Variants in GRID1 observed in about 807,000 individuals in gnomAD.
GRID1 encodes glutamate receptor ionotropic, delta-1.
Under a neutral mutation model 98.0 loss-of-function variants are expected in GRID1, and 28 were observed. The ratio of observed to expected loss-of-function variants is 0.29; its 90% CI spans 0.21 to 0.39. The LOEUF is 0.39. GRID1 is among the 10% of genes least tolerant of loss of function. GRID1 has a pLI of 1.00. For missense variants in GRID1, 1,111 were observed against 1,340.5 expected (o/e 0.83, Z 2.67); for synonymous variants, 553 against 538.5 (o/e 1.03, Z -0.37).
intron 4 of GRID1, chr10:86,052,575 G>A (rs1001092735): frequency 6.6e-6 from 1 of 152,006 alleles, no homozygotes; most frequent in African/African-American, 2.4e-5. Context: ...CTTTTTAAAT[G>A]AATAGACAGA....
intron 8 of GRID1, among the ~76,000 whole-genome samples, chr10:85,761,521 G>A (rs1842146819): frequency 6.6e-6 from 1 of 152,184 alleles, no homozygotes; most frequent in Non-Finnish European, 1.5e-5. Flanking sequence ...AGAGGTAACA[G>A]GCATACAAAT....
At chr10:86,189,768 T>C (rs138865040) in intron 3 of GRID1, among the ~76,000 whole-genome samples, 2 of 152,280 alleles carry the variant, frequency 1.3e-5, no homozygotes, top group East Asian at 1.9e-4. Context: ...TCCCCTGTTA[T>C]GACAGAGAAA....
intron 4 of GRID1, among the ~76,000 whole-genome samples, chr10:86,077,130 G>C (rs564680141): frequency 0.011 from 1,483 of 137,662 alleles, 51 homozygotes; most frequent in African/African-American, 0.039. Context: ...CCTTCCGCGG[G>C]GACCATGGTG....
At chr10:86,329,563 G>C (rs1328150812) in intron 2 of GRID1, among the ~76,000 whole-genome samples, 2 of 152,148 alleles carry the variant, frequency 1.3e-5, no homozygotes, top group African/African-American at 2.4e-5. Context: ...CTGGCAATGA[G>C]AGAATGACCC....
At chr10:85,792,060 C>G (rs1353063315) in intron 8 of GRID1, among the ~76,000 whole-genome samples, 1 of 152,160 alleles carries the variant, frequency 6.6e-6, no homozygotes, top group African/African-American at 2.4e-5. Context: ...TATTCATGAG[C>G]TAGTGCATAA....
rs201671134 is a variant in GRID1, at chr10:86,004,740, T to TCACACACACACA, written c.727-88513_727-88502dup. 4.5e-3 allele frequency among the ~76,000 whole-genome samples: 421 copies of TCACACACACACA among 94,308 alleles called. 2 individuals are homozygous for TCACACACACACA. The highest frequency in any genetic ancestry group is 5.2e-3 in the Middle Eastern group (1 of 194). The allele number at this position is 94,308 out of a possible 152,430, so 61.9% of individuals were successfully genotyped here. On this transcript the variant is annotated intron_variant, in intron 4 of 15. Transcript: ENST00000327946. ...TCTCTCTCTTTCTACACACACACAC[T>TCACACACACACA]CACACACACACACACACAGACTTGA...
chr10:86,332,747 A>G (rs147026167), intron 2 of GRID1, among the ~76,000 whole-genome samples: 2 of 150,640 alleles, frequency 1.3e-5, no homozygotes, highest in East Asian at 4.1e-4. Flanking sequence ...TCCATGGTCT[A>G]CACCGACCTC....
intron 6 of GRID1, among the ~76,000 whole-genome samples, chr10:85,863,891 T>C (rs1184050546): frequency 6.6e-6 from 1 of 152,238 alleles, no homozygotes; most frequent in African/African-American, 2.4e-5. Flanking sequence ...ATCCGCATTA[T>C]CAAGGTAAAA....
intron 4 of GRID1, among the ~76,000 whole-genome samples, chr10:86,014,025 T>C (rs1842950914): frequency 6.6e-6 from 1 of 152,212 alleles, no homozygotes; most frequent in African/African-American, 2.4e-5. Context: ...TATTTGGGTG[T>C]GCTGCTCTGA....
chr10:86,010,577 G>A (rs1165394208), intron 4 of GRID1, among the ~76,000 whole-genome samples: 1 of 152,102 alleles, frequency 6.6e-6, no homozygotes, highest in Non-Finnish European at 1.5e-5. Context: ...CTAGCACTTT[G>A]GGAGGCCGAG....
intron 5 of GRID1, among the ~76,000 whole-genome samples, chr10:85,877,767 C>G (rs572980822): frequency 1.3e-5 from 2 of 152,270 alleles, no homozygotes; most frequent in East Asian, 3.9e-4. Flanking sequence ...CAAAGCTGAA[C>G]GGAGAATGAC....
chr10:85,674,131 C>T (rs1390772416), intron 12 of GRID1, among the ~76,000 whole-genome samples: 2 of 152,164 alleles, frequency 1.3e-5, no homozygotes, highest in East Asian at 3.9e-4. Context: ...CTTTGTGTTT[C>T]CTTCTATCCA....
At position 86,283,122 on chromosome 10, in the gene GRID1, C is replaced by T. The variant is rs572816818; in HGVS notation, c.236-76474G>A. On this transcript the variant is annotated intron_variant, in intron 2 of 15. Transcript: ENST00000327946. ...TGCCCTCATGGCCTGGAATGCCCTC[C>T]CTGCCCTGCTGTGTGCCTGGCCAAC... 2.7e-4 allele frequency among the ~76,000 whole-genome samples: 41 copies of T among 152,306 alleles called. 2 individuals carry two copies. The South Asian group carries it at 7.7e-3, about 28-fold the overall frequency.
chr10:85,683,920 A>G (rs1382146223), intron 12 of GRID1, among the ~76,000 whole-genome samples: 1 of 152,200 alleles, frequency 6.6e-6, no homozygotes, highest in Non-Finnish European at 1.5e-5. Flanking sequence ...ACAAAGGAAC[A>G]CTACATTCCA....
chr10:85,966,996 G>A (rs1396859004), intron 4 of GRID1, among the ~76,000 whole-genome samples: 3 of 152,124 alleles, frequency 2.0e-5, no homozygotes, highest in Non-Finnish European at 4.4e-5. Flanking sequence ...TGACTACTGG[G>A]AGCAGTTTTC....
chr10:86,283,405 C>G (rs528505121), intron 2 of GRID1, among the ~76,000 whole-genome samples: 30 of 152,286 alleles, frequency 2.0e-4, no homozygotes, highest in African/African-American at 7.2e-4. Flanking sequence ...AGCCCACTGC[C>G]TGGCTGGAAG....
chr10:86,337,206 G>A (rs937602063), intron 2 of GRID1, among the ~76,000 whole-genome samples: 1 of 152,098 alleles, frequency 6.6e-6, no homozygotes. Flanking sequence ...CCACAAGCCA[G>A]CCAGCAGGAA....
At chr10:85,766,617 C>T (rs1304148758) in intron 8 of GRID1, among the ~76,000 whole-genome samples, 4 of 152,212 alleles carry the variant, frequency 2.6e-5, no homozygotes, top group Non-Finnish European at 4.4e-5. Flanking sequence ...TAATCTTGCT[C>T]TTCTCTCTAT....
At chr10:85,808,230 G>A (rs1231329462) in intron 8 of GRID1, among the ~76,000 whole-genome samples, 2 of 152,150 alleles carry the variant, frequency 1.3e-5, no homozygotes, top group Non-Finnish European at 2.9e-5. Flanking sequence ...ATTACCTGCA[G>A]ATATTTTTAA....
Sources: allele counts gnomAD v4.1 joint callset (sites outside exome capture counted in the v4.1 genomes callset), GRCh38; gene constraint gnomAD v4.1.1; transcripts MANE v1.5; gene names NCBI Gene and HGNC (gene_info 2026-07-23, HGNC 2026-07-21).